Variants in CNTN5 observed in about 807,000 individuals in gnomAD.
CNTN5 encodes the protein contactin-5.
A neutral mutation model predicts 129.1 loss-of-function variants in CNTN5; 77 were observed. The observed-to-expected ratio is 0.60, with a 90% CI of 0.50 to 0.72. The LOEUF (loss-of-function observed/expected upper bound fraction) is 0.72, where lower values mean the gene tolerates loss of function less well. CNTN5 is among the 30% of genes least tolerant of loss of function. The pLI is 0.00. For missense variants in CNTN5, 1,478 were observed against 1,328.8 expected, an observed-to-expected ratio of 1.11 and a Z score of -1.75; for synonymous variants, 509 against 465.6, an observed-to-expected ratio of 1.09 and a Z score of -1.20.
chr11:100,226,919 T>C (rs1052399358), intron 16 of CNTN5, among the ~76,000 whole-genome samples: 1 of 152,088 alleles, frequency 6.6e-6, no homozygotes, highest in African/African-American at 2.4e-5. Flanking sequence ...TGTAAACTCA[T>C]GGTATTCTAA....
At chr11:99,639,772 C>G (rs983446005) in intron 3 of CNTN5, among the ~76,000 whole-genome samples, 1 of 151,986 alleles carries the variant, frequency 6.6e-6, no homozygotes, top group Non-Finnish European at 1.5e-5. Context: ...CCATGTTGGT[C>G]AGGCTGGTCT....
chr11:99,265,313 G>C (rs1862836740), intron 1 of CNTN5, among the ~76,000 whole-genome samples: 1 of 151,926 alleles, frequency 6.6e-6, no homozygotes, highest in Non-Finnish European at 1.5e-5. Flanking sequence ...TATTTTAATA[G>C]GTATTTAGTA....
chr11:100,122,707 G>A (rs965382791), intron 13 of CNTN5, among the ~76,000 whole-genome samples: 2 of 152,060 alleles, frequency 1.3e-5, no homozygotes, highest in Non-Finnish European at 2.9e-5. Context: ...TGTAGTTAGT[G>A]AAAGGAAAAT....
At chr11:99,980,627 A>C (rs1295727123) in intron 8 of CNTN5, among the ~76,000 whole-genome samples, 1 of 152,216 alleles carries the variant, frequency 6.6e-6, no homozygotes, top group South Asian at 2.1e-4. Flanking sequence ...TTTGCAGTCC[A>C]TTAAATAGCA....
chr11:99,036,163 T>G (rs1406355798), intron 1 of CNTN5, among the ~76,000 whole-genome samples: 1 of 152,168 alleles, frequency 6.6e-6, no homozygotes, highest in African/African-American at 2.4e-5. Context: ...CGTATCGAAA[T>G]GCCAGCTATT....
chr11:99,221,841 T>C (rs1860411534), intron 1 of CNTN5, among the ~76,000 whole-genome samples: 1 of 152,004 alleles, frequency 6.6e-6, no homozygotes, highest in African/African-American at 2.4e-5. Context: ...TATTTGTGGC[T>C]ATAAAATACA....
chr11:99,452,557 A>G (rs959325757), intron 2 of CNTN5, among the ~76,000 whole-genome samples: 7 of 151,868 alleles, frequency 4.6e-5, no homozygotes, highest in Non-Finnish European at 1.0e-4. Context: ...CATTTTTAGT[A>G]GAGACGAGGT....
At chr11:99,988,375 G>A (rs1938830345) in intron 8 of CNTN5, among the ~76,000 whole-genome samples, 1 of 152,184 alleles carries the variant, frequency 6.6e-6, no homozygotes, top group African/African-American at 2.4e-5. Context: ...AATTCCTCCA[G>A]GATATTTTAG....
At chr11:99,999,100 G>C (rs7119776) in intron 8 of CNTN5, among the ~76,000 whole-genome samples, 1 of 151,642 alleles carries the variant, frequency 6.6e-6, no homozygotes, top group Non-Finnish European at 1.5e-5. Flanking sequence ...GCATGGGCAA[G>C]GACTTCATGT....
At chr11:100,142,315 C>T (rs1007571906) in intron 13 of CNTN5, among the ~76,000 whole-genome samples, 3 of 152,092 alleles carry the variant, frequency 2.0e-5, no homozygotes, top group South Asian at 2.1e-4. Flanking sequence ...CTATGTTATC[C>T]GTCTGTCTGT....
intron 3 of CNTN5, among the ~76,000 whole-genome samples, chr11:99,561,281 A>G (rs1948832976): frequency 6.6e-6 from 1 of 152,100 alleles, no homozygotes; most frequent in Non-Finnish European, 1.5e-5. Flanking sequence ...AACTGGGACA[A>G]TTTCAGCAAA....
chr11:100,215,962 C>G (rs57598825), intron 15 of CNTN5, among the ~76,000 whole-genome samples: 7,363 of 152,114 alleles, frequency 0.048, 504 homozygotes, highest in African/African-American at 0.15. Context: ...GACCAGAGAT[C>G]GAAGGTGAAA....
intron 3 of CNTN5, among the ~76,000 whole-genome samples, chr11:99,667,747 A>T (rs942604643): frequency 6.6e-6 from 1 of 152,168 alleles, no homozygotes; most frequent in Non-Finnish European, 1.5e-5. Flanking sequence ...CTGAACAATG[A>T]GAACACATGG....
chr11:99,282,934 A>T (rs1289012927), intron 1 of CNTN5, among the ~76,000 whole-genome samples: 1 of 152,082 alleles, frequency 6.6e-6, no homozygotes. Flanking sequence ...ATCAAATGGA[A>T]GAAAGGCTCA....
rs529602511 is a variant in CNTN5 at position 99,138,739 on chromosome 11, T to C, written c.-210+117469T>C. Among the ~76,000 whole-genome samples the C allele has an allele frequency of 1.7e-3, 263 of 152,276 alleles. 2 individuals carry two copies. Among genetic ancestry groups the C allele is most frequent in the African/African-American group, 6.1e-3 (252 of 41,572 alleles). ...ACCCACAAATAACATGAGAAGTCAG[T>C]GCTAAGACATAAAAATAAAGCATCT... On this transcript the variant is annotated intron_variant, in intron 1 of 24. Transcript: ENST00000524871.
intron 1 of CNTN5, chr11:99,120,171 G>A (rs1261785664): frequency 1.3e-5 from 2 of 152,046 alleles, no homozygotes; most frequent in African/African-American, 4.8e-5. Flanking sequence ...AATTGCTTTT[G>A]GTGTGTTTCT....
At chr11:99,877,251 G>A (rs951687244) in intron 6 of CNTN5, among the ~76,000 whole-genome samples, 5 of 152,090 alleles carry the variant, frequency 3.3e-5, no homozygotes, top group African/African-American at 4.8e-5. Flanking sequence ...ATGAAACCCC[G>A]TAGGATAAAT....
chr11:99,152,886 AT>A (rs1169101798), intron 1 of CNTN5, among the ~76,000 whole-genome samples: 1 of 152,096 alleles, frequency 6.6e-6, no homozygotes, highest in Non-Finnish European at 1.5e-5. Context: ...GGTCATATTT[AT>A]TTTTTGCTTA....
chr11:99,427,627 A>G (rs559324048), intron 2 of CNTN5, among the ~76,000 whole-genome samples: 31 of 151,904 alleles, frequency 2.0e-4, no homozygotes, highest in Non-Finnish European at 3.5e-4. Flanking sequence ...TTAGCTGGGC[A>G]TGGTGGCACA....
Sources: allele counts gnomAD v4.1 joint callset (sites outside exome capture counted in the v4.1 genomes callset), GRCh38; gene constraint gnomAD v4.1.1; transcripts MANE v1.5; gene names NCBI Gene and HGNC (gene_info 2026-07-23, HGNC 2026-07-21).